Variants in BLTP2 observed in about 807,000 individuals in gnomAD.
BLTP2 encodes bridge-like lipid transfer protein family member 2, also known as U937-associated antigen.
chr17:28,639,122 C>T, the BLTP2 span: 2 of 622,414 alleles, frequency 3.2e-6, no homozygotes, highest in African/African-American at 3.7e-5. Flanking sequence ...GACATAAAAA[C>T]AAAGAGGACA....
At chr17:28,638,917 T>C in the BLTP2 span, 1 of 441,410 alleles carries the variant, frequency 2.3e-6, no homozygotes, top group African/African-American at 2.0e-5. Context: ...TACTATACGC[T>C]TGAACCTAAA....
the BLTP2 span, chr17:28,616,536 T>A: frequency 1.5e-5 from 25 of 1,614,076 alleles, no homozygotes; most frequent in Non-Finnish European, 2.0e-5. The surrounding 1 kb of genome is among the most constrained non-coding windows in gnomAD (Gnocchi z 4.8). Context: ...GTACCAGCTG[T>A]CATCCATCCT....
the BLTP2 span, chr17:28,631,539 G>T: frequency 4.3e-6 from 7 of 1,614,136 alleles, no homozygotes; most frequent in Non-Finnish European, 5.1e-6. Context: ...TCAGCAGGTG[G>T]GTCTTTGTTA....
At chr17:28,637,746 A>C in the BLTP2 span, 13 of 1,317,306 alleles carry the variant, frequency 9.9e-6, no homozygotes, top group Non-Finnish European at 1.4e-5. Flanking sequence ...ATCTCAGCTC[A>C]CTGCAAACTC....
At chr17:28,633,337 G>A in the BLTP2 span, 1 of 1,613,992 alleles carries the variant, frequency 6.2e-7, no homozygotes, top group Non-Finnish European at 8.5e-7. Flanking sequence ...AAACTGACCA[G>A]GTTTCCAATG....
At chr17:28,641,121 T>C in the BLTP2 span, among the ~76,000 whole-genome samples, 6 of 152,192 alleles carry the variant, frequency 3.9e-5, no homozygotes, top group Non-Finnish European at 8.8e-5. Context: ...AGTCCGCACA[T>C]ACTCAAGTCC....
At chr17:28,640,094 T>C in the BLTP2 span, 1 of 1,562,396 alleles carries the variant, frequency 6.4e-7, no homozygotes, top group South Asian at 1.1e-5. Context: ...CTTTTATTTT[T>C]TAAAAGTAAT....
chr17:28,640,356 G>A, the BLTP2 span: 3 of 559,304 alleles, frequency 5.4e-6, no homozygotes, highest in Admixed American at 6.4e-5. Context: ...TCGCACCACT[G>A]AACTCCAGCC....
At chr17:28,642,581 G>A in the BLTP2 span, 1 of 564,520 alleles carries the variant, frequency 1.8e-6, no homozygotes, top group Non-Finnish European at 3.2e-6. Context: ...AACCCAGGAG[G>A]CGGAGCTTGC....
the BLTP2 span, chr17:28,624,081 C>A: frequency 7.3e-7 from 1 of 1,366,612 alleles, no homozygotes; most frequent in Non-Finnish European, 1.0e-6. Flanking sequence ...ATTTTACTGG[C>A]TTTTAGACAT....
the BLTP2 span, chr17:28,643,477 G>A: frequency 7.6e-7 from 1 of 1,322,184 alleles, no homozygotes; most frequent in Non-Finnish European, 1.1e-6. Flanking sequence ...ATGGCACCCA[G>A]GCTAACAGGA....
the BLTP2 span, chr17:28,639,646 T>G: frequency 6.2e-7 from 1 of 1,613,774 alleles, no homozygotes; most frequent in Admixed American, 1.7e-5. Context: ...AACCCATCTG[T>G]AAGAGGCCAG....
chr17:28,619,617 G>C, the BLTP2 span: 5 of 1,611,878 alleles, frequency 3.1e-6, no homozygotes, highest in East Asian at 4.5e-5. Flanking sequence ...CTCTAGCTGG[G>C]GCACTGGAAA....
chr17:28,619,837 A>G, the BLTP2 span: 1 of 1,613,534 alleles, frequency 6.2e-7, no homozygotes. Flanking sequence ...CTGGTTCTCA[A>G]ACTATCTATC....
the BLTP2 span, chr17:28,620,978 C>T: frequency 6.2e-6 from 10 of 1,613,208 alleles, no homozygotes; most frequent in Non-Finnish European, 5.9e-6. Flanking sequence ...GCCTTTCAAG[C>T]CCTGAATACC....
At chr17:28,630,473 T>G in the BLTP2 span, among the ~76,000 whole-genome samples, 193 of 145,954 alleles carry the variant, frequency 1.3e-3, 2 homozygotes, top group South Asian at 4.8e-3. Context: ...CTGTTTTTTT[T>G]TTTTTTTTTT....
At chr17:28,630,312 A>T in the BLTP2 span, among the ~76,000 whole-genome samples, 1 of 151,270 alleles carries the variant, frequency 6.6e-6, no homozygotes, top group African/African-American at 2.4e-5. Context: ...ACATGCCACC[A>T]CACCCAGATA....
the BLTP2 span, chr17:28,615,615 C>G: frequency 6.3e-7 from 1 of 1,591,562 alleles, no homozygotes; most frequent in Non-Finnish European, 8.6e-7. Flanking sequence ...AAAAGAGGAT[C>G]TGCCTGCCAG....
At chr17:28,616,010 A>C in the BLTP2 span, 23 of 1,173,216 alleles carry the variant, frequency 2.0e-5, no homozygotes, top group Non-Finnish European at 2.8e-5. This position sits in a 1 kb window ranked among gnomAD's most constrained non-coding sequence, Gnocchi z 4.8. Context: ...CATCACAAAC[A>C]ACCTAGCTGT....
Sources: gnomAD v4.1 joint callset for allele counts (sites outside exome capture counted in the v4.1 genomes callset) on GRCh38, gnomAD v4.1.1 for gene constraint, Gnocchi (gnomAD v3.1) non-coding constraint, MANE v1.5 for transcripts, NCBI Gene and HGNC (gene_info 2026-07-23, HGNC 2026-07-21) for gene names.